Variants in IQSEC1 observed in about 807,000 individuals in gnomAD.
IQSEC1 encodes IQ motif and Sec7 domain ArfGEF 1, also known as IQ motif and SEC7 domain-containing protein 1.
Under a neutral mutation model 91.0 loss-of-function variants are expected in IQSEC1, and 31 were observed. That is an observed-to-expected ratio of 0.34 (90% confidence interval 0.26 to 0.46). IQSEC1 has a LOEUF of 0.46. IQSEC1 is among the 20% of genes least tolerant of loss of function. IQSEC1 has a pLI of 1.00. For missense variants in IQSEC1, 1,388 were observed against 1,575.6 expected (o/e 0.88, Z 2.02); for synonymous variants, 699 against 662.6 (o/e 1.05, Z -0.84).
intron 1 of IQSEC1, among the ~76,000 whole-genome samples, chr3:13,069,590 G>A (rs1482617401): frequency 6.6e-6 from 1 of 152,208 alleles, no homozygotes; most frequent in Non-Finnish European, 1.5e-5. Flanking sequence ...GAAGAGAGGG[G>A]TCGGGACAGT....
chr3:13,130,757 C>T (rs1341763749), intron 2 of IQSEC1, among the ~76,000 whole-genome samples: 3 of 151,802 alleles, frequency 2.0e-5, no homozygotes, highest in Non-Finnish European at 2.9e-5. Context: ...GGGAACATGG[C>T]GAAACCCTAT....
chr3:13,123,753 G>A (rs1402489578), intron 2 of IQSEC1, among the ~76,000 whole-genome samples: 1 of 152,216 alleles, frequency 6.6e-6, no homozygotes, highest in Non-Finnish European at 1.5e-5. Flanking sequence ...AAGGAAGGAT[G>A]GAAGCCTGGC....
chr3:12,911,521 CAG>C (rs986247265), intron 10 of IQSEC1, 106 bp downstream of exon 10: 43 of 803,566 alleles, frequency 5.4e-5, no homozygotes, highest in South Asian at 1.0e-4. Context: ...GGGGATAAAA[CAG>C]GGGTGAGCGT....
At chr3:13,130,625 T>G (rs1706596139) in intron 2 of IQSEC1, among the ~76,000 whole-genome samples, 1 of 152,022 alleles carries the variant, frequency 6.6e-6, no homozygotes, top group Non-Finnish European at 1.5e-5. Flanking sequence ...CAAGGCTACT[T>G]GTCCTGTCAT....
intron 2 of IQSEC1, among the ~76,000 whole-genome samples, chr3:12,939,695 C>T (rs987006448): frequency 6.6e-6 from 1 of 152,162 alleles, no homozygotes; most frequent in Non-Finnish European, 1.5e-5. Context: ...TTCACACACT[C>T]GGCAGCCTTT....
At chr3:13,111,551 G>C (rs1706244590) in intron 2 of IQSEC1, among the ~76,000 whole-genome samples, 1 of 152,196 alleles carries the variant, frequency 6.6e-6, no homozygotes, top group Non-Finnish European at 1.5e-5. Flanking sequence ...ATTGAGAGCT[G>C]AGTGTTAGGG....
At chr3:13,110,772 C>T (rs1349258318) in intron 2 of IQSEC1, among the ~76,000 whole-genome samples, 1 of 152,206 alleles carries the variant, frequency 6.6e-6, no homozygotes, top group Non-Finnish European at 1.5e-5. Context: ...CCAGCCTCAG[C>T]CGCCTGAGAT....
At chr3:13,204,404 G>A (rs2125053555) in intron 1 of IQSEC1, among the ~76,000 whole-genome samples, 1 of 152,264 alleles carries the variant, frequency 6.6e-6, no homozygotes, top group East Asian at 1.9e-4. Context: ...ATCGGCCGAG[G>A]TTCGCCAAGC....
chr3:12,908,973 G>A lies in IQSEC1; in HGVS notation c.2578+300C>T, dbSNP rs577077889. Among the ~76,000 whole-genome samples, 1 of 152,132 alleles carries A rather than the reference G, an allele frequency of 6.6e-6. No homozygotes were observed. The highest frequency in any genetic ancestry group is 6.5e-5 in the Admixed American group (1 of 15,272). ...GGTTGAGCCTGATGCAGAAGATGAC[G>A]AGGTGCAGAGAGGCCAGCTGGGAAC... On this transcript the variant is annotated intron_variant, in intron 11 of 13. Transcript: ENST00000613206. This position sits in a 1 kb window ranked among gnomAD's most constrained non-coding sequence, Gnocchi z 4.9.
chr3:13,193,572 G>T lies in IQSEC1; in HGVS notation c.273-29439C>A, dbSNP rs1576289928. Among the ~76,000 whole-genome samples the T allele has an allele frequency of 1.3e-5, 2 of 152,272 alleles. No individual in the cohort carries two copies. The highest frequency in any genetic ancestry group is 4.8e-5 in the African/African-American group (2 of 41,542). On this transcript the variant is annotated intron_variant, in intron 1 of 15. Transcript: ENST00000648114. The surrounding 1 kb of genome is among the most constrained non-coding windows in gnomAD (Gnocchi z 4.2). ...CAGGGTGACAGGAAGAAAGGGAGGG[G>T]AACAGAAGGTGCAGTTTAGGGGGTG...
In IQSEC1 at chr3:12,967,914, C is replaced by T. The variant is rs897620521; in HGVS notation, c.24-26049G>A. 2.0e-5 allele frequency among the ~76,000 whole-genome samples: 1 copy of T among 51,156 alleles called. No homozygotes were observed. Among genetic ancestry groups the T allele is most frequent in the African/African-American group, 8.1e-5 (1 of 12,336 alleles). The allele number at this position is 51,156 out of a possible 152,430, so 33.6% of individuals were successfully genotyped here. A position where few individuals can be genotyped will look rare whatever the true frequency, so the allele number is the denominator to read the frequency against. ...GGGCGGGGGGTCAGGGGCGGGGCGT[C>T]AGGGGCGGGGCTACGCGCAGGGGCG... On this transcript the variant is annotated intron_variant, in intron 1 of 13. Transcript: ENST00000613206. The surrounding 1 kb of genome is among the most constrained non-coding windows in gnomAD (Gnocchi z 5.9).
chr3:13,206,769 A>G (rs1159799067), intron 1 of IQSEC1, among the ~76,000 whole-genome samples: 1 of 152,140 alleles, frequency 6.6e-6, no homozygotes, highest in African/African-American at 2.4e-5. Flanking sequence ...ACAGACACTA[A>G]GCTGGTGAGT....
At chr3:13,178,454 G>A (rs1693778176) in intron 1 of IQSEC1, among the ~76,000 whole-genome samples, 1 of 152,238 alleles carries the variant, frequency 6.6e-6, no homozygotes, top group Non-Finnish European at 1.5e-5. Flanking sequence ...CATAGACTAG[G>A]TGGCTTATGA....
At chr3:12,989,154 T>C (rs1402279689) in intron 1 of IQSEC1, among the ~76,000 whole-genome samples, 1 of 152,362 alleles carries the variant, frequency 6.6e-6, no homozygotes, top group East Asian at 1.9e-4. Context: ...ATTATTTTGT[T>C]TGCTTATGTA....
chr3:13,126,537 T>A (rs1043491958), intron 2 of IQSEC1, among the ~76,000 whole-genome samples: 1 of 152,246 alleles, frequency 6.6e-6, no homozygotes, highest in African/African-American at 2.4e-5. Context: ...CAGGTAAACA[T>A]CTAGGAGTGC....
chr3:13,074,016 T>C (rs1378019534), upstream of IQSEC1, among the ~76,000 whole-genome samples: 1 of 152,222 alleles, frequency 6.6e-6, no homozygotes, highest in Admixed American at 6.5e-5. Context: ...TGGTGCCTCT[T>C]CCTCTCCCGA....
chr3:12,999,547 C>T (rs577610099), intron 1 of IQSEC1, among the ~76,000 whole-genome samples: 5 of 152,262 alleles, frequency 3.3e-5, no homozygotes, highest in South Asian at 2.1e-4. Flanking sequence ...CAGCACTGGG[C>T]GCCCACGTGG....
rs148960685 is a variant in IQSEC1 at position 12,899,291 on chromosome 3, C to T, written c.*1692G>A. 636 of 1,336,010 alleles carry T rather than the reference C, an allele frequency of 4.8e-4. 7 individuals carry two copies. The East Asian group carries it at 0.013, about 27-fold the overall frequency. 82.8% of individuals were successfully genotyped at this position (1,336,010 alleles called of 1,614,324 possible). ...GGCTCACCACGCTGTCCACTGGGAA[C>T]GCGGCCCCGCGGCCCGCAGAGTCAG... is the stretch of plus-strand genomic sequence containing the variant. On this transcript the variant is annotated 3_prime_UTR_variant, in exon 14 of 14. Transcript: ENST00000613206.
chr3:13,041,099 T>A (rs891238075), intron 1 of IQSEC1, among the ~76,000 whole-genome samples: 5 of 152,154 alleles, frequency 3.3e-5, no homozygotes, highest in African/African-American at 1.2e-4. Flanking sequence ...GGGGCTTTAA[T>A]GCTTCTTTTG....
Sources: allele counts gnomAD v4.1 joint callset (sites outside exome capture counted in the v4.1 genomes callset), GRCh38; gene constraint gnomAD v4.1.1; non-coding constraint Gnocchi (gnomAD v3.1); transcripts MANE v1.5; gene names NCBI Gene and HGNC (gene_info 2026-07-23, HGNC 2026-07-21).